TNFSF4: variants seen among roughly 807,000 people sequenced by gnomAD.
TNFSF4 encodes tumor necrosis factor ligand superfamily member 4.
Under a neutral mutation model 7.3 loss-of-function variants are expected in TNFSF4, and 4 were observed. That is an observed-to-expected ratio of 0.55 (90% confidence interval 0.27 to 1.25). The LOEUF (loss-of-function observed/expected upper bound fraction) is 1.25. Among genes scored for constraint, TNFSF4 ranks in the 50% most tolerant of loss-of-function variants. TNFSF4 has a pLI of 0.12. For missense variants in TNFSF4, 181 were observed against 208.8 expected, an observed-to-expected ratio of 0.87 and a Z score of 0.82; for synonymous variants, 76 against 83.7, an observed-to-expected ratio of 0.91 and a Z score of 0.50.
the TNFSF4 span, among the ~76,000 whole-genome samples, chr1:173,241,446 C>T: frequency 6.6e-6 from 1 of 152,162 alleles, no homozygotes; most frequent in South Asian, 2.1e-4. Context: ...GTCTTTTATC[C>T]AGAGGATAGA....
the TNFSF4 span, among the ~76,000 whole-genome samples, chr1:173,419,240 G>A: frequency 2.0e-5 from 3 of 152,046 alleles, no homozygotes; most frequent in Non-Finnish European, 4.4e-5. Flanking sequence ...TACTTGGGAG[G>A]CTGAGGCAGG....
the TNFSF4 span, among the ~76,000 whole-genome samples, chr1:173,309,360 A>G: frequency 6.6e-6 from 1 of 151,894 alleles, no homozygotes; most frequent in African/African-American, 2.4e-5. Context: ...TTAACTATGT[A>G]CTTTTTAAAA....
the TNFSF4 span, among the ~76,000 whole-genome samples, chr1:173,374,352 A>G: frequency 3.3e-5 from 5 of 152,036 alleles, no homozygotes; most frequent in African/African-American, 1.2e-4. Flanking sequence ...CTCCCCATCT[A>G]TGGATTTCTT....
chr1:173,431,560 CA>C, the TNFSF4 span, among the ~76,000 whole-genome samples: 18 of 152,232 alleles, frequency 1.2e-4, no homozygotes, highest in African/African-American at 4.3e-4. Context: ...ACCAACTGAC[CA>C]AACCAACTGC....
At chr1:173,177,397 A>G in the TNFSF4 span, among the ~76,000 whole-genome samples, 15 of 152,214 alleles carry the variant, frequency 9.9e-5, no homozygotes, top group African/African-American at 3.4e-4. Context: ...AACATTGAGT[A>G]CAAATGGACA....
intron 1 of TNFSF4, among the ~76,000 whole-genome samples, chr1:173,199,414 A>G (rs1649846272): frequency 6.6e-6 from 1 of 152,234 alleles, no homozygotes; most frequent in Non-Finnish European, 1.5e-5. Flanking sequence ...CCCTAAATCT[A>G]ATATGACTGG....
the TNFSF4 span, among the ~76,000 whole-genome samples, chr1:173,446,799 G>C: frequency 2.0e-5 from 3 of 152,316 alleles, no homozygotes; most frequent in East Asian, 5.8e-4. Flanking sequence ...GTTTTGCCAA[G>C]GGCTCTCAGA....
chr1:173,432,159 G>A, the TNFSF4 span, among the ~76,000 whole-genome samples: 1 of 152,012 alleles, frequency 6.6e-6, no homozygotes, highest in African/African-American at 2.4e-5. Flanking sequence ...CTATAAACAG[G>A]TGATAAAGGG....
chr1:173,387,770 T>A, the TNFSF4 span, among the ~76,000 whole-genome samples: 6 of 152,328 alleles, frequency 3.9e-5, no homozygotes, highest in African/African-American at 1.2e-4. Context: ...TAAAAAAAAT[T>A]GTTCATTAAC....
At chr1:173,252,287 G>A in the TNFSF4 span, among the ~76,000 whole-genome samples, 2 of 152,140 alleles carry the variant, frequency 1.3e-5, no homozygotes, top group East Asian at 3.9e-4. Flanking sequence ...TACAAGGTAA[G>A]TCCAATTTTC....
At chr1:173,308,455 A>G in the TNFSF4 span, among the ~76,000 whole-genome samples, 2 of 151,696 alleles carry the variant, frequency 1.3e-5, no homozygotes, top group Non-Finnish European at 2.9e-5. Context: ...TTGTTTGTGT[A>G]TGGTGGGAGA....
In TNFSF4 at chr1:173,188,507, T is replaced by C. The variant is rs1003295194; in HGVS notation, c.202+14A>G. ...TCAAAAATATGAATCAATTAAACTT[T>C]TGACAATACTTACCGGTAAATTGTA... On this transcript the variant is annotated intron_variant, in intron 2 of 2. Transcript: ENST00000281834. 1 of 1,596,938 alleles carries C rather than the reference T, an allele frequency of 6.3e-7. No individual in the cohort carries two copies. The highest frequency in any genetic ancestry group is 8.6e-7 in the Non-Finnish European group (1 of 1,165,636).
At chr1:173,419,246 G>A in the TNFSF4 span, among the ~76,000 whole-genome samples, 1 of 151,992 alleles carries the variant, frequency 6.6e-6, no homozygotes. Flanking sequence ...GGAGGCTGAG[G>A]CAGGAGAGTG....
chr1:173,339,892 G>C, the TNFSF4 span, among the ~76,000 whole-genome samples: 1 of 152,150 alleles, frequency 6.6e-6, no homozygotes, highest in East Asian at 1.9e-4. Flanking sequence ...ATAGCTTAAT[G>C]TGTCATCTTG....
At chr1:173,387,843 G>C in the TNFSF4 span, among the ~76,000 whole-genome samples, 1 of 152,126 alleles carries the variant, frequency 6.6e-6, no homozygotes, top group African/African-American at 2.4e-5. Flanking sequence ...ATATTTTAAA[G>C]CCATAAAATA....
At chr1:173,428,521 T>C in the TNFSF4 span, among the ~76,000 whole-genome samples, 1 of 152,232 alleles carries the variant, frequency 6.6e-6, no homozygotes, top group Admixed American at 6.5e-5. Flanking sequence ...GTGCAGCTGA[T>C]TTTTATCTTA....
At chr1:173,340,605 T>C in the TNFSF4 span, among the ~76,000 whole-genome samples, 3 of 152,098 alleles carry the variant, frequency 2.0e-5, no homozygotes, top group African/African-American at 7.2e-5. Context: ...GAGGAGAGAT[T>C]GGTCGACCTC....
the TNFSF4 span, among the ~76,000 whole-genome samples, chr1:173,177,788 G>A: frequency 3.2e-4 from 48 of 152,016 alleles, 1 homozygote; most frequent in Middle Eastern, 3.4e-3. Flanking sequence ...AAAACAACTT[G>A]CATCAAATCA....
chr1:173,433,404 T>C, the TNFSF4 span, among the ~76,000 whole-genome samples: 3 of 152,026 alleles, frequency 2.0e-5, no homozygotes, highest in East Asian at 1.9e-4. Flanking sequence ...TCTTAAGAAA[T>C]TGACTCTTGG....
Sources: gnomAD v4.1 joint callset for allele counts (sites outside exome capture counted in the v4.1 genomes callset) on GRCh38, gnomAD v4.1.1 for gene constraint, MANE v1.5 for transcripts, NCBI Gene and HGNC (gene_info 2026-07-23, HGNC 2026-07-21) for gene names.